Variants in NTN1 observed in about 807,000 individuals in gnomAD.
NTN1 encodes the protein netrin-1.
In NTN1, 11 loss-of-function variants were observed where a neutral mutation model predicts 54.2. The ratio of observed to expected loss-of-function variants is 0.20; its 90% CI spans 0.13 to 0.34. The LOEUF (loss-of-function observed/expected upper bound fraction) is 0.34, where lower values mean the gene tolerates loss of function less well. NTN1 is among the 10% of genes least tolerant of loss of function. The probability of loss-of-function intolerance (pLI) is 1.00; values close to 1 mark genes in which losing one functional copy is unlikely to be tolerated. For synonymous variants in NTN1, 371 were observed against 382.0 expected, an observed-to-expected ratio of 0.97 and a Z score of 0.33; for missense variants, 740 against 893.1, an observed-to-expected ratio of 0.83 and a Z score of 2.18.
intron 2 of NTN1, among the ~76,000 whole-genome samples, chr17:9,129,560 G>A (rs1418252722): frequency 6.6e-6 from 1 of 152,170 alleles, no homozygotes; most frequent in African/African-American, 2.4e-5. Flanking sequence ...TTCTGTGTAT[G>A]TCATAAGGAA....
chr17:9,221,117 A>T lies in NTN1; in HGVS notation c.1412-51A>T. 1.6e-6 allele frequency: 2 copies of T among 1,226,330 alleles called. No individual in the cohort carries two copies. Among genetic ancestry groups the T allele is most frequent in the Non-Finnish European group, 2.4e-6 (2 of 827,694 alleles). 76.0% of individuals were successfully genotyped at this position (1,226,330 alleles called of 1,614,324 possible). A position where few individuals can be genotyped will look rare whatever the true frequency, so the allele number is the denominator to read the frequency against. ...TCCTACTCTGCCCGCCAGCCTATTC[A>T]TCGCCAGCCTAATTAGTTTTTGTCT... On this transcript the variant is annotated intron_variant, in intron 5 of 6. Transcript: ENST00000173229. The surrounding 1 kb of genome is among the most constrained non-coding windows in gnomAD (Gnocchi z 4.5).
chr17:9,008,383 AT>A, the NTN1 span, among the ~76,000 whole-genome samples: 1 of 151,998 alleles, frequency 6.6e-6, no homozygotes, highest in Non-Finnish European at 1.5e-5. Flanking sequence ...CAGTGGTGCG[AT>A]TTCAGCTCAC....
intron 2 of NTN1, among the ~76,000 whole-genome samples, chr17:9,145,649 G>A (rs1361533137): frequency 6.6e-6 from 1 of 152,192 alleles, no homozygotes; most frequent in Non-Finnish European, 1.5e-5. Context: ...AGGCACGGTG[G>A]CTCACACCTG....
chr17:9,195,282 TC>T (rs1380446918), intron 5 of NTN1, among the ~76,000 whole-genome samples: 2 of 143,254 alleles, frequency 1.4e-5, no homozygotes, highest in Non-Finnish European at 3.0e-5. Flanking sequence ...GCCCCATTGT[TC>T]CCCTGTCTCT....
intron 2 of NTN1, among the ~76,000 whole-genome samples, chr17:9,122,860 T>C (rs2142262994): frequency 6.6e-6 from 1 of 152,376 alleles, no homozygotes; most frequent in African/African-American, 2.4e-5. Flanking sequence ...CTTTATTAAA[T>C]AGTCGGCTTT....
At chr17:9,045,926 T>C (rs1293261346) in intron 2 of NTN1, among the ~76,000 whole-genome samples, 1 of 152,250 alleles carries the variant, frequency 6.6e-6, no homozygotes, top group Non-Finnish European at 1.5e-5. Context: ...AACTGTATGC[T>C]ACTAAATTTT....
At chr17:9,220,972 G>A (rs981776807) in intron 5 of NTN1, among the ~76,000 whole-genome samples, 196 bp from the exon 6 acceptor site, 8 of 148,282 alleles carry the variant, frequency 5.4e-5, no homozygotes, top group African/African-American at 7.5e-5. Context: ...TGGGTGGGTC[G>A]GACGGGGGCC....
intron 2 of NTN1, among the ~76,000 whole-genome samples, chr17:9,131,948 G>C (rs576940080): frequency 1.3e-5 from 2 of 150,480 alleles, no homozygotes; most frequent in East Asian, 3.9e-4. Flanking sequence ...GACTACAGGC[G>C]CCCGCAACCA....
At chr17:9,013,195 C>T in the NTN1 span, among the ~76,000 whole-genome samples, 2 of 142,726 alleles carry the variant, frequency 1.4e-5, no homozygotes, top group East Asian at 2.1e-4. Flanking sequence ...GAGAAACACT[C>T]TTTTTTTCTT....
intron 2 of NTN1, among the ~76,000 whole-genome samples, chr17:9,116,884 T>G (rs374585868): frequency 1.1e-3 from 166 of 152,334 alleles, no homozygotes; most frequent in African/African-American, 3.8e-3. Flanking sequence ...TTGAAATATT[T>G]GTAAGCATGG....
At chr17:9,166,173 AC>A (rs2092372632) in intron 3 of NTN1, among the ~76,000 whole-genome samples, 1 of 64,544 alleles carries the variant, frequency 1.5e-5, no homozygotes, top group South Asian at 5.5e-4. Context: ...CACCACCACC[AC>A]CACCACCACC....
At chr17:9,102,317 G>C (rs1440440611) in intron 2 of NTN1, among the ~76,000 whole-genome samples, 1 of 116,322 alleles carries the variant, frequency 8.6e-6, no homozygotes, top group Non-Finnish European at 1.8e-5. Flanking sequence ...ATGGCAGAAG[G>C]GGGAGCAAAC....
intron 2 of NTN1, among the ~76,000 whole-genome samples, chr17:9,042,436 C>T (rs1451879149): frequency 6.6e-6 from 1 of 151,604 alleles, no homozygotes; most frequent in Non-Finnish European, 1.5e-5. Context: ...TGCGCTATGA[C>T]TGCACCTGTG....
intron 2 of NTN1, among the ~76,000 whole-genome samples, chr17:9,137,684 C>T (rs2092285114): frequency 6.6e-6 from 1 of 152,180 alleles, no homozygotes. Flanking sequence ...ATCCCAGCTA[C>T]TTGGGAGGCT....
At chr17:9,109,924 A>T (rs941154590) in intron 2 of NTN1, among the ~76,000 whole-genome samples, 1 of 152,196 alleles carries the variant, frequency 6.6e-6, no homozygotes, top group African/African-American at 2.4e-5. Context: ...TTGCTGTGAC[A>T]TGCATATTCA....
chr17:9,229,061 T>G (rs761813460), intron 6 of NTN1, among the ~76,000 whole-genome samples: 2 of 146,982 alleles, frequency 1.4e-5, no homozygotes, highest in Non-Finnish European at 3.0e-5. Flanking sequence ...TGACTATGCG[T>G]GTGTGATTGT....
the NTN1 span, among the ~76,000 whole-genome samples, chr17:9,011,921 G>A: frequency 1.3e-5 from 2 of 152,160 alleles, no homozygotes; most frequent in Non-Finnish European, 2.9e-5. Context: ...GCACAGAGCT[G>A]GTCACCACTT....
chr17:9,094,166 A>G (rs142284452), intron 2 of NTN1, among the ~76,000 whole-genome samples: 10 of 152,354 alleles, frequency 6.6e-5, no homozygotes, highest in African/African-American at 2.4e-4. Context: ...CCTACTTTTT[A>G]AAACTTACTG....
chr17:9,049,642 G>T (rs1171168500), intron 2 of NTN1, among the ~76,000 whole-genome samples: 3 of 152,156 alleles, frequency 2.0e-5, no homozygotes, highest in South Asian at 2.1e-4. Context: ...GACTATGAAG[G>T]TCATTAAAGA....
Sources: allele counts gnomAD v4.1 joint callset (sites outside exome capture counted in the v4.1 genomes callset), GRCh38; gene constraint gnomAD v4.1.1; non-coding constraint Gnocchi (gnomAD v3.1); transcripts MANE v1.5; gene names NCBI Gene and HGNC (gene_info 2026-07-23, HGNC 2026-07-21).